The following IGF1 variants were observed in gnomAD, a reference collection of about 807,000 sequenced individuals.
IGF1 encodes the protein insulin like growth factor 1.
In IGF1, 4 loss-of-function variants were observed where a neutral mutation model predicts 13.8. The ratio of observed to expected loss-of-function variants is 0.29; its 90% confidence interval spans 0.14 to 0.66. The LOEUF is 0.66. Ranked by LOEUF, IGF1 falls within the 30% of genes least tolerant of loss-of-function variation. The pLI, the probability that IGF1 is intolerant of heterozygous loss-of-function variation, is 0.78. For synonymous variants in IGF1, 76 were observed against 72.6 expected, an observed-to-expected ratio of 1.05 and a Z score of -0.23; for missense variants, 124 against 188.5, an observed-to-expected ratio of 0.66 and a Z score of 2.00.
chr12:102,419,461 A>C, intron 3 of IGF1, 48 bp downstream of exon 3: 3 of 1,588,792 alleles, frequency 1.9e-6, no homozygotes, highest in Non-Finnish European at 2.6e-6. Context: ...CACATGCACA[A>C]GAGAGAGACC....
intron 2 of IGF1, among the ~76,000 whole-genome samples, chr12:102,439,838 G>C (rs547836545): frequency 3.3e-5 from 5 of 152,256 alleles, no homozygotes; most frequent in Admixed American, 3.3e-4. Context: ...TTATTACACA[G>C]AAGATTATTC....
chr12:102,412,078 C>T (rs1874693693), intron 3 of IGF1, among the ~76,000 whole-genome samples: 1 of 152,104 alleles, frequency 6.6e-6, no homozygotes, highest in Admixed American at 6.5e-5. Flanking sequence ...CCTAGAGAAT[C>T]CTTCTCTGTA....
intron 2 of IGF1, among the ~76,000 whole-genome samples, chr12:102,456,215 A>G (rs1303029850): frequency 7.3e-6 from 1 of 137,148 alleles, no homozygotes; most frequent in Non-Finnish European, 1.5e-5. Context: ...TTTTCCATTT[A>G]AAAAAGGTGT....
intron 2 of IGF1, among the ~76,000 whole-genome samples, chr12:102,464,178 C>G (rs1009472232): frequency 6.6e-6 from 1 of 151,848 alleles, no homozygotes; most frequent in Non-Finnish European, 1.5e-5. Flanking sequence ...ATAAGTAGAC[C>G]TTATTGGTGA....
At chr12:102,407,220 TG>T (rs1874249460) in intron 3 of IGF1, among the ~76,000 whole-genome samples, 1 of 150,602 alleles carries the variant, frequency 6.6e-6, no homozygotes, top group Non-Finnish European at 1.5e-5. Flanking sequence ...ATAATATCAC[TG>T]AATCCTTACA....
intron 3 of IGF1, among the ~76,000 whole-genome samples, chr12:102,411,511 T>C (rs1284296470): frequency 6.6e-5 from 10 of 152,216 alleles, no homozygotes; most frequent in Admixed American, 6.5e-4. Flanking sequence ...CCCAGAATTT[T>C]GTAGAAACTT....
At chr12:102,481,361 G>C (rs1881384048), upstream of IGF1, among the ~76,000 whole-genome samples, 1 of 150,616 alleles carries the variant, frequency 6.6e-6, no homozygotes, top group Non-Finnish European at 1.5e-5. Flanking sequence ...GTGTGTGTGT[G>C]TGTGTGTGTG....
At chr12:102,414,652 G>A (rs1874928548) in intron 3 of IGF1, among the ~76,000 whole-genome samples, 1 of 152,056 alleles carries the variant, frequency 6.6e-6, no homozygotes. Context: ...TTGAACTCCT[G>A]AGCTCAGGCA....
chr12:102,405,096 T>TCTTC, intron 3 of IGF1, among the ~76,000 whole-genome samples: 1 of 150,206 alleles, frequency 6.7e-6, no homozygotes, highest in South Asian at 2.1e-4. Context: ...TTTCTTTCTT[T>TCTTC]CTTTTTTTTG....
rs115334702 is a variant in IGF1, at chr12:102,460,874, T to C, written c.220+14769A>G. 8.5e-3 allele frequency among the ~76,000 whole-genome samples: 1,290 copies of C among 152,290 alleles called. 23 individuals carry two copies. Among genetic ancestry groups the C allele is most frequent in the African/African-American group, 0.029 (1,222 of 41,562 alleles). On this transcript the variant is annotated intron_variant, in intron 2 of 3. Coordinates refer to ENST00000337514, the MANE Select transcript of IGF1 (RefSeq NM_000618.5). ...TCAAGAATATAGACAAGAAGTGGCA[T>C]GTTCTTAAAGTTCAAGTAAAAGATG...
intron 2 of IGF1, among the ~76,000 whole-genome samples, chr12:102,468,061 C>T (rs940369016): frequency 2.6e-5 from 4 of 152,118 alleles, no homozygotes; most frequent in East Asian, 1.9e-4. Context: ...TTTGAACAAT[C>T]GGGTAGTTTT....
At chr12:102,441,906 G>GCTGCTGCTTCCTCTTCTTCTTCTTCTT in intron 2 of IGF1, among the ~76,000 whole-genome samples, 1 of 100,292 alleles carries the variant, frequency 1.0e-5, no homozygotes, top group African/African-American at 3.9e-5. Flanking sequence ...CTATTACACT[G>GCTGCTGCTTCCTCTTCTTCTTCTTCTT]CTTCTTCTCC....
At chr12:102,466,683 C>T (rs1880353725) in intron 2 of IGF1, among the ~76,000 whole-genome samples, 1 of 152,110 alleles carries the variant, frequency 6.6e-6, no homozygotes, top group Non-Finnish European at 1.5e-5. Context: ...GGGCAGATCA[C>T]TTGAGCCCAG....
chr12:102,443,046 G>C (rs952852610), intron 2 of IGF1, among the ~76,000 whole-genome samples: 2 of 151,970 alleles, frequency 1.3e-5, no homozygotes, highest in Non-Finnish European at 2.9e-5. Flanking sequence ...GCTGACACTA[G>C]ATCAACCTTT....
chr12:102,471,526 G>A lies in IGF1; in HGVS notation c.220+4117C>T, dbSNP rs138968790. Among the ~76,000 whole-genome samples the A allele has an allele frequency of 2.6e-5, 4 of 152,260 alleles. 1 individual carries two copies. In the South Asian group the frequency reaches 8.3e-4, roughly 32 times the overall value. ...AATAACAATGAAAGTTCATTGTAAA[G>A]TTTCACTTAAAGCTCTTACAAAACA... is the stretch of plus-strand genomic sequence containing the variant. On this transcript the variant is annotated intron_variant, in intron 2 of 3. Coordinates refer to ENST00000337514, the MANE Select transcript of IGF1 (RefSeq NM_000618.5).
intron 2 of IGF1, 106 bp from the exon 3 acceptor site, chr12:102,419,796 G>T: frequency 9.3e-7 from 1 of 1,077,836 alleles, no homozygotes; most frequent in Non-Finnish European, 1.4e-6. Flanking sequence ...TACATATTCT[G>T]CAATGTCTCA....
chr12:102,459,109 A>G (rs1160062779), intron 2 of IGF1, among the ~76,000 whole-genome samples: 1 of 152,234 alleles, frequency 6.6e-6, no homozygotes, highest in Admixed American at 6.5e-5. Context: ...GATAATTCAA[A>G]TTTTAGTAAA....
intron 3 of IGF1, chr12:102,417,758 T>G: frequency 6.2e-7 from 1 of 1,604,342 alleles, no homozygotes; most frequent in Non-Finnish European, 8.5e-7. Context: ...CTGCTTTTCA[T>G]TCTTGCTGTC....
At chr12:102,419,245 C>G (rs1875450932) in intron 3 of IGF1, among the ~76,000 whole-genome samples, 1 of 152,210 alleles carries the variant, frequency 6.6e-6, no homozygotes, top group Non-Finnish European at 1.5e-5. Flanking sequence ...CAGGACTTCA[C>G]TTTTGTCTGA....
Sources: allele counts gnomAD v4.1 joint callset (sites outside exome capture counted in the v4.1 genomes callset), GRCh38; gene constraint gnomAD v4.1.1; transcripts MANE v1.5; gene names NCBI Gene and HGNC (gene_info 2026-07-23, HGNC 2026-07-21).